The following SH3RF3 variants were observed in gnomAD, a reference collection of about 807,000 sequenced individuals.
SH3RF3 encodes SH3 domain containing ring finger 3.
A neutral mutation model predicts 66.3 loss-of-function variants in SH3RF3; 29 were observed. That is an observed-to-expected ratio of 0.44 (90% CI 0.33 to 0.60). SH3RF3 has a LOEUF of 0.60. Ranked by LOEUF, SH3RF3 falls within the 20% of genes least tolerant of loss-of-function variation. The pLI, the probability that SH3RF3 is intolerant of heterozygous loss-of-function variation, is 0.04. For synonymous variants in SH3RF3, 583 were observed against 532.0 expected (o/e 1.10, Z -1.32); for missense variants, 1,194 against 1,190.9 (o/e 1.00, Z -0.04).
intron 8 of SH3RF3, among the ~76,000 whole-genome samples, chr2:109,463,368 G>C (rs1186676437): frequency 6.6e-6 from 1 of 152,200 alleles, no homozygotes; most frequent in Admixed American, 6.5e-5. Context: ...CACCATGTGG[G>C]CCCTGCCCCC....
chr2:109,467,486 T>C (rs1243431535), intron 8 of SH3RF3, among the ~76,000 whole-genome samples: 2 of 152,148 alleles, frequency 1.3e-5, no homozygotes, highest in Non-Finnish European at 2.9e-5. Context: ...GAAGAAGCCC[T>C]GGAAGGACAG....
intron 1 of SH3RF3, among the ~76,000 whole-genome samples, chr2:109,263,305 G>C (rs1335575061): frequency 6.6e-6 from 1 of 152,126 alleles, no homozygotes; most frequent in Non-Finnish European, 1.5e-5. Flanking sequence ...AGCTTTCGTT[G>C]CTATTTTCTA....
chr2:109,231,164 A>G (rs10209579), intron 1 of SH3RF3, among the ~76,000 whole-genome samples: 21,701 of 152,220 alleles, frequency 0.14, 2,897 homozygotes, highest in African/African-American at 0.34. Context: ...TCCCGGAGCC[A>G]GGCCAGAGCG....
Position 109,466,750 on chromosome 2 carries a change from TG to T in SH3RF3, c.2148+17262del. Among the ~76,000 whole-genome samples, 4 of 152,338 alleles carry T rather than the reference TG, an allele frequency of 2.6e-5. No homozygotes were observed. The Middle Eastern group carries it at 0.014, about 518-fold the overall frequency. On this transcript the variant is annotated intron_variant, in intron 8 of 9. Transcript: ENST00000309415. ...ACAATTCATTCTGAGTGTGTGCATT[TG>T]TGTGTCTATATCTGTGTGCATGTCT...
rs756371672 is a variant in SH3RF3 at position 109,449,250 on chromosome 2, C to T, written c.1909C>T (p.Leu637=). The change falls in exon 8 of 10, where the codon CTG becomes TTG. Residue 637 remains leucine (L), a synonymous_variant. Transcript: ENST00000309415. ...PLRTQNSPSR[L]PATSLRPHSV... Reference sequence around the variant, plus strand: ...GCGCACCCAGAACTCTCCATCCCGCCTGCCTGCCACCAGCCTCAGGCCCCA... The same window carrying T: ...GCGCACCCAGAACTCTCCATCCCGCTTGCCTGCCACCAGCCTCAGGCCCCA... 1.2e-6 allele frequency: 2 copies of T among 1,612,728 alleles called. No individual in the cohort carries two copies. Among genetic ancestry groups the T allele is most frequent in the African/African-American group, 2.7e-5 (2 of 74,912 alleles).
intron 1 of SH3RF3, among the ~76,000 whole-genome samples, chr2:109,208,685 A>T (rs1678897061): frequency 8.3e-6 from 1 of 120,170 alleles, no homozygotes; most frequent in Non-Finnish European, 1.6e-5. Context: ...GATAACCAGA[A>T]TACTGTTTTT....
intron 1 of SH3RF3, among the ~76,000 whole-genome samples, chr2:109,131,188 G>A (rs7582236): frequency 6.6e-6 from 1 of 152,020 alleles, no homozygotes; most frequent in Non-Finnish European, 1.5e-5. Context: ...CTAAGGTTAA[G>A]GTTAGGAACT....
chr2:109,223,951 A>G (rs932085561), intron 1 of SH3RF3, among the ~76,000 whole-genome samples: 1 of 152,222 alleles, frequency 6.6e-6, no homozygotes, highest in Non-Finnish European at 1.5e-5. Context: ...GCAGTGAGCC[A>G]TGATTGTGCC....
At chr2:109,316,458 T>C (rs1405275278) in intron 1 of SH3RF3, among the ~76,000 whole-genome samples, 1 of 152,222 alleles carries the variant, frequency 6.6e-6, no homozygotes, top group African/African-American at 2.4e-5. Flanking sequence ...TGATCTTCAC[T>C]ACACACAGCC....
At chr2:109,378,400 C>G (rs796969925) in intron 3 of SH3RF3, among the ~76,000 whole-genome samples, 1 of 152,338 alleles carries the variant, frequency 6.6e-6, no homozygotes, top group Admixed American at 6.5e-5. Context: ...TGACTTTATG[C>G]ACCCCCACCT....
At chr2:109,407,837 G>A (rs1198126411) in intron 4 of SH3RF3, among the ~76,000 whole-genome samples, 3 of 152,186 alleles carry the variant, frequency 2.0e-5, no homozygotes, top group African/African-American at 7.2e-5. Context: ...TACCAATCCT[G>A]GCCTTTAAGT....
At chr2:109,369,207 G>C (rs1400226940) in intron 2 of SH3RF3, among the ~76,000 whole-genome samples, 7 of 151,612 alleles carry the variant, frequency 4.6e-5, no homozygotes. Context: ...AATTAGCCGG[G>C]AGTGGTGGTG....
intron 1 of SH3RF3, among the ~76,000 whole-genome samples, chr2:109,243,250 A>C (rs1306935422): frequency 1.3e-5 from 2 of 152,250 alleles, no homozygotes; most frequent in Non-Finnish European, 2.9e-5. Context: ...CCCATCAGCA[A>C]CTGCCAGTCC....
chr2:109,150,439 T>C (rs1180305492), intron 1 of SH3RF3, among the ~76,000 whole-genome samples: 1 of 152,214 alleles, frequency 6.6e-6, no homozygotes, highest in East Asian at 1.9e-4. Context: ...CTCTGCTCAT[T>C]ATTTCACTTA....
intron 1 of SH3RF3, among the ~76,000 whole-genome samples, chr2:109,175,363 G>A (rs747149220): frequency 2.0e-5 from 3 of 152,204 alleles, no homozygotes; most frequent in Non-Finnish European, 4.4e-5. Flanking sequence ...ACAAAGGTTA[G>A]CTCATTGAAA....
At chr2:109,298,695 G>C (rs113880609) in intron 1 of SH3RF3, among the ~76,000 whole-genome samples, 2,488 of 152,110 alleles carry the variant, frequency 0.016, 86 homozygotes, top group African/African-American at 0.057. Flanking sequence ...TGTGGGTCCA[G>C]GTCCGTTTCC....
At chr2:109,248,073 A>G (rs1360233888) in intron 1 of SH3RF3, among the ~76,000 whole-genome samples, 1 of 152,256 alleles carries the variant, frequency 6.6e-6, no homozygotes, top group Non-Finnish European at 1.5e-5. Flanking sequence ...TCCAGGGAAC[A>G]TGAATCAATT....
intron 1 of SH3RF3, among the ~76,000 whole-genome samples, chr2:109,279,504 G>A (rs927674298): frequency 6.6e-6 from 1 of 152,130 alleles, no homozygotes; most frequent in Non-Finnish European, 1.5e-5. Flanking sequence ...TTTAACTGGG[G>A]AAGTCGCCAC....
At chr2:109,468,874 A>C (rs2104715471) in intron 8 of SH3RF3, among the ~76,000 whole-genome samples, 1 of 151,006 alleles carries the variant, frequency 6.6e-6, no homozygotes, top group Admixed American at 6.6e-5. Context: ...AAAAAAAAAA[A>C]AAGTTAAATT....
Sources: gnomAD v4.1 joint callset for allele counts (sites outside exome capture counted in the v4.1 genomes callset) on GRCh38, gnomAD v4.1.1 for gene constraint, MANE v1.5 for transcripts, NCBI Gene and HGNC (gene_info 2026-07-23, HGNC 2026-07-21) for gene names.